Variants in SLC6A20 observed in about 807,000 individuals in gnomAD.
SLC6A20 encodes the protein solute carrier family 6 member 20.
Under a neutral mutation model 64.3 loss-of-function variants are expected in SLC6A20, and 73 were observed. The observed-to-expected ratio is 1.14, with a 90% CI of 0.94 to 1.38. SLC6A20 has a LOEUF of 1.38. Among genes scored for constraint, SLC6A20 ranks in the 40% most tolerant of loss-of-function variants. The pLI is 0.00. For missense variants in SLC6A20, 725 were observed against 772.8 expected, an observed-to-expected ratio of 0.94 and a Z score of 0.73; for synonymous variants, 347 against 329.6, an observed-to-expected ratio of 1.05 and a Z score of -0.57.
intron 1 of SLC6A20, among the ~76,000 whole-genome samples, chr3:45,788,883 G>A (rs1352983807): frequency 1.3e-5 from 2 of 152,222 alleles, no homozygotes; most frequent in Non-Finnish European, 2.9e-5. Flanking sequence ...ATATGGGGTT[G>A]TGTTATAGTA....
chr3:45,779,901 C>T (rs1251033754), intron 3 of SLC6A20, 108 bp downstream of exon 3: 4 of 1,220,726 alleles, frequency 3.3e-6, no homozygotes, highest in Non-Finnish European at 4.6e-6. Flanking sequence ...GGCTCCCCGC[C>T]CCGAGGCTGC....
Position 45,777,963 on chromosome 3 carries a change from T to TGCACCCC in SLC6A20, c.355-1982_355-1976dup, listed in dbSNP as rs764032517. The stretch of plus-strand genomic sequence containing the variant: ...TTGGATTTTTCACACCTCCCCACCC[T>TGCACCCC]GCACCCCGCACCCCGCAACTTCATC... On this transcript the variant is annotated intron_variant, in intron 3 of 10. Coordinates refer to ENST00000358525, the MANE Select transcript of SLC6A20 (RefSeq NM_020208.4). 6.6e-4 allele frequency among the ~76,000 whole-genome samples: 100 copies of TGCACCCC among 152,242 alleles called. 3 individuals are homozygous for TGCACCCC. The South Asian group carries it at 0.02, about 30-fold the overall frequency.
intron 1 of SLC6A20, among the ~76,000 whole-genome samples, chr3:45,792,209 C>T (rs1020015497): frequency 1.4e-4 from 22 of 152,072 alleles, no homozygotes; most frequent in Admixed American, 3.3e-4. Flanking sequence ...CCCTGAGCCA[C>T]GGCAATTCTT....
Position 45,759,915 on chromosome 3 carries a change from T to G in SLC6A20, c.1571A>C (p.Tyr524Ser), listed in dbSNP as rs767305154. The change falls in exon 10 of 11, where the codon TAC (tyrosine) becomes TCC (serine). Residue 524 changes from tyrosine (Y) to serine (S), a missense_variant. Physicochemically the swap from Tyr to Ser is moderately radical, Grantham distance 144. Transcript: ENST00000358525. ...CCCCGTGAGGATGTAGTCGCTCAGGTAGAAGACAAAGAGGCTGACAATCAG... is the reference window on the plus strand; with the variant it reads ...CCCCGTGAGGATGTAGTCGCTCAGGGAGAAGACAAAGAGGCTGACAATCAG... ...PLLIVSLFVFYLSDYILTGTL... is the reference protein window; with the variant it reads ...PLLIVSLFVFSLSDYILTGTL... 3.7e-6 allele frequency: 6 copies of G among 1,613,976 alleles called. No homozygotes were observed. The highest frequency in any genetic ancestry group is 5.1e-6 in the Non-Finnish European group (6 of 1,180,026).
At chr3:45,763,250 G>A (rs1699717355) in intron 8 of SLC6A20, among the ~76,000 whole-genome samples, 178 bp from the exon 9 acceptor site, 1 of 152,226 alleles carries the variant, frequency 6.6e-6, no homozygotes, top group South Asian at 2.1e-4. Flanking sequence ...CACGTGTGTG[G>A]GGCAGGGGGC....
At chr3:45,777,647 G>A (rs1699993325) in intron 3 of SLC6A20, among the ~76,000 whole-genome samples, 1 of 152,236 alleles carries the variant, frequency 6.6e-6, no homozygotes, top group Non-Finnish European at 1.5e-5. Context: ...TGCAGGGAGA[G>A]GGAGGCACGT....
chr3:45,792,683 C>T (rs368642502), intron 1 of SLC6A20, among the ~76,000 whole-genome samples: 2 of 152,200 alleles, frequency 1.3e-5, no homozygotes, highest in African/African-American at 4.8e-5. Context: ...CTGTGGCCAC[C>T]GCAGCTCCAG....
intron 3 of SLC6A20, among the ~76,000 whole-genome samples, chr3:45,777,876 G>C (rs898191418): frequency 2.0e-5 from 3 of 152,192 alleles, no homozygotes; most frequent in Non-Finnish European, 2.9e-5. Flanking sequence ...GCACCCGGGG[G>C]TGATGCCCAG....
chr3:45,762,041 T>G (rs1699693106), intron 9 of SLC6A20, among the ~76,000 whole-genome samples: 1 of 152,116 alleles, frequency 6.6e-6, no homozygotes, highest in Non-Finnish European at 1.5e-5. Flanking sequence ...TGGCACAGCC[T>G]CCTCGCCCAA....
At chr3:45,795,275 T>C (rs1200189832) in intron 1 of SLC6A20, among the ~76,000 whole-genome samples, 1 of 152,222 alleles carries the variant, frequency 6.6e-6, no homozygotes, top group African/African-American at 2.4e-5. Context: ...CCATTTTATA[T>C]AGCTTTGAAT....
chr3:45,761,223 A>AC (rs532687890), intron 9 of SLC6A20, among the ~76,000 whole-genome samples: 21,470 of 137,696 alleles, frequency 0.16, 1,795 homozygotes, highest in African/African-American at 0.3. Flanking sequence ...CACCCCCATA[A>AC]CCCCCCCCCC....
In SLC6A20 at chr3:45,776,848, T is replaced by A. The variant is rs902016842; in HGVS notation, c.355-860A>T. Reference sequence around the variant, plus strand: ...GCGGGGCTCCAAGGCAGGCGGGGATTGGGAAAGCTTGTTAGTGAGAAAAGA... The same window carrying A: ...GCGGGGCTCCAAGGCAGGCGGGGATAGGGAAAGCTTGTTAGTGAGAAAAGA... On this transcript the variant is annotated intron_variant, in intron 3 of 10. Transcript: ENST00000358525. Among the ~76,000 whole-genome samples the A allele has an allele frequency of 2.0e-5, 3 of 152,134 alleles. No individual in the cohort carries two copies. The South Asian group carries it at 6.2e-4, about 32-fold the overall frequency.
chr3:45,792,148 T>C (rs1160016868), intron 1 of SLC6A20, among the ~76,000 whole-genome samples: 1 of 152,090 alleles, frequency 6.6e-6, no homozygotes, highest in East Asian at 1.9e-4. Flanking sequence ...CCTCCTCCAA[T>C]GTCAAGGTGA....
rs750232569 is a variant in SLC6A20 at position 45,780,133 on chromosome 3, G to A, written c.263-33C>T. On this transcript the variant is annotated intron_variant, in intron 2 of 10. Coordinates refer to ENST00000358525, the MANE Select transcript of SLC6A20 (RefSeq NM_020208.4). Reference sequence around the variant, plus strand: ...GAAGCAGAGGGCCGCGCTGAGGACTGAGGATGGCCCTTCCCCCTCCGCCAG... The same window carrying A: ...GAAGCAGAGGGCCGCGCTGAGGACTAAGGATGGCCCTTCCCCCTCCGCCAG... The A allele has an allele frequency of 5.2e-6, 8 of 1,548,256 alleles. No homozygotes were observed. The East Asian group carries it at 7.2e-5, about 14-fold the overall frequency.
At position 45,789,466 on chromosome 3, in the gene SLC6A20, T is replaced by A. The variant is rs879666842; in HGVS notation, c.121+6833A>T. 1.9e-4 allele frequency among the ~76,000 whole-genome samples: 29 copies of A among 152,214 alleles called. 1 individual carries two copies. The highest frequency in any genetic ancestry group is 1.5e-5 in the Non-Finnish European group (1 of 68,032). On this transcript the variant is annotated intron_variant, in intron 1 of 10. Transcript: ENST00000358525. ...ACTGGATTATAACAGCATAAAACTT[T>A]ACGTGACTTAAACTTCCACAACTGG...
chr3:45,771,741 C>A (rs1699872112), intron 5 of SLC6A20: 1 of 525,046 alleles, frequency 1.9e-6, no homozygotes, highest in Non-Finnish European at 3.4e-6. Flanking sequence ...GCACCTCAGC[C>A]ATAGGAGGTG....
At chr3:45,779,409 A>G (rs147278311) in intron 3 of SLC6A20, among the ~76,000 whole-genome samples, 4 of 152,328 alleles carry the variant, frequency 2.6e-5, no homozygotes, top group African/African-American at 9.6e-5. Context: ...ACTTTTCTAC[A>G]GAGTGTCAGC....
intron 1 of SLC6A20, among the ~76,000 whole-genome samples, chr3:45,783,669 C>T (rs1282882317): frequency 6.6e-6 from 1 of 152,234 alleles, no homozygotes; most frequent in Non-Finnish European, 1.5e-5. Context: ...ATGGCTGGGG[C>T]AAAGACCAGG....
intron 5 of SLC6A20, 80 bp from the exon 6 acceptor site, chr3:45,771,538 A>G (rs1699868165): frequency 6.3e-7 from 1 of 1,582,036 alleles, no homozygotes; most frequent in African/African-American, 1.3e-5. Flanking sequence ...AGAGTAGCCC[A>G]GAGAGGGGAA....
Sources: gnomAD v4.1 joint callset for allele counts (sites outside exome capture counted in the v4.1 genomes callset) on GRCh38, gnomAD v4.1.1 for gene constraint, MANE v1.5 for transcripts, NCBI Gene and HGNC (gene_info 2026-07-23, HGNC 2026-07-21) for gene names.